DMD: variants seen among roughly 807,000 people sequenced by gnomAD.
The protein encoded by DMD is dystrophin, also known as mutant dystrophin.
A neutral mutation model predicts 330.1 loss-of-function variants in DMD; 63 were observed. The ratio of observed to expected loss-of-function variants is 0.19; its 90% CI spans 0.16 to 0.24. The LOEUF is 0.24. DMD is among the 10% of genes least tolerant of loss of function. The pLI, the probability that DMD is intolerant of heterozygous loss-of-function variation, is 1.00. For synonymous variants in DMD, 1,223 were observed against 959.8 expected (o/e 1.27, Z -5.07); for missense variants, 3,344 against 2,684.1 (o/e 1.25, Z -5.43).
intron 47 of DMD, among the ~76,000 whole-genome samples, chrX:31,904,096 A>G (rs1346180157): frequency 9.0e-6 from 1 of 111,644 alleles, no homozygotes; most frequent in Non-Finnish European, 1.9e-5. Context: ...CTTAGAGAAA[A>G]ATATTTCATA....
intron 62 of DMD, among the ~76,000 whole-genome samples, chrX:31,297,855 A>G (rs1446957037): frequency 8.9e-6 from 1 of 112,585 alleles, no homozygotes; most frequent in East Asian, 2.8e-4. Flanking sequence ...ACAGTCCTGG[A>G]GTGCACACTG....
chrX:31,447,783 G>C lies in DMD; in HGVS notation c.8938-3156C>G, dbSNP rs2065393927. Among the ~76,000 whole-genome samples the C allele has an allele frequency of 1.8e-5, 2 of 109,913 alleles. 1 individual carries two copies. The highest frequency in any genetic ancestry group is 1.9e-4 in the Admixed American group (2 of 10,271). On this transcript the variant is annotated intron_variant, in intron 59 of 78. Coordinates refer to ENST00000357033, the MANE Select transcript of DMD (RefSeq NM_004006.3). ...GGAGGCTGAGGTGGGTGGATGGGTG[G>C]ATCACTTGAGGTCAGCAGTTCGAGA...
intron 51 of DMD, among the ~76,000 whole-genome samples, chrX:31,735,374 T>G (rs1365293966): frequency 1.8e-5 from 2 of 111,650 alleles, no homozygotes; most frequent in Non-Finnish European, 3.8e-5. Flanking sequence ...AGGCCCTGAC[T>G]AATACACTCA....
At chrX:33,325,485 C>T (rs1444862916) in intron 1 of DMD, among the ~76,000 whole-genome samples, 10 of 112,319 alleles carry the variant, frequency 8.9e-5, no homozygotes, top group African/African-American at 3.2e-4. Flanking sequence ...GATACATCCA[C>T]TGAATTCCTA....
chrX:31,545,501 T>C (rs1189883172), intron 55 of DMD, among the ~76,000 whole-genome samples: 2 of 112,580 alleles, frequency 1.8e-5, no homozygotes, highest in South Asian at 3.7e-4. Flanking sequence ...ACTTTTCTCA[T>C]CATAATTTTT....
intron 2 of DMD, among the ~76,000 whole-genome samples, chrX:32,991,066 A>G (rs952054238): frequency 2.7e-5 from 3 of 111,574 alleles, no homozygotes; most frequent in African/African-American, 9.7e-5. Context: ...TTTTCCAATT[A>G]TAATAATAAT....
At chrX:31,174,199 T>C (rs1046769365) in intron 71 of DMD, among the ~76,000 whole-genome samples, 11 of 111,618 alleles carry the variant, frequency 9.9e-5, no homozygotes, top group Non-Finnish European at 2.1e-4. Context: ...CAAAATAGAA[T>C]GACCCTGGAT....
chrX:31,353,329 T>C (rs1312662967), intron 60 of DMD, among the ~76,000 whole-genome samples: 1 of 111,516 alleles, frequency 9.0e-6, no homozygotes, highest in Non-Finnish European at 1.9e-5. Flanking sequence ...GTGACATGAC[T>C]CACTATTTTA....
At chrX:32,845,640 G>A (rs1290190788) in intron 3 of DMD, among the ~76,000 whole-genome samples, 1 of 110,977 alleles carries the variant, frequency 9.0e-6, no homozygotes, top group African/African-American at 3.3e-5. Flanking sequence ...CCTGAAGTAA[G>A]CCCACTGCCA....
chrX:32,631,236 G>A (rs1356487494), intron 11 of DMD, among the ~76,000 whole-genome samples: 2 of 111,490 alleles, frequency 1.8e-5, no homozygotes, highest in Non-Finnish European at 3.8e-5. Context: ...GGTGACACAA[G>A]CACCCCTGTA....
At chrX:32,802,004 T>G (rs2076606995) in intron 7 of DMD, among the ~76,000 whole-genome samples, 2 of 112,157 alleles carry the variant, frequency 1.8e-5, no homozygotes, top group Non-Finnish European at 3.8e-5. Flanking sequence ...TCTTTTTTAG[T>G]TCCACATGAA....
chrX:31,815,257 C>T (rs1169326906), intron 50 of DMD, among the ~76,000 whole-genome samples: 1 of 111,754 alleles, frequency 8.9e-6, no homozygotes, highest in African/African-American at 3.3e-5. Flanking sequence ...CGAGACCAGC[C>T]TGACCAACAT....
intron 44 of DMD, among the ~76,000 whole-genome samples, chrX:32,173,720 G>T (rs1352666147): frequency 9.0e-6 from 1 of 111,673 alleles, no homozygotes; most frequent in Non-Finnish European, 1.9e-5. Flanking sequence ...ATATTTTAAA[G>T]ATATTTTTCT....
intron 1 of DMD, among the ~76,000 whole-genome samples, chrX:33,108,535 G>A (rs1253090289): frequency 9.2e-6 from 1 of 108,626 alleles, no homozygotes; most frequent in African/African-American, 3.3e-5. Context: ...CAAAGTGCTG[G>A]GATTACAGGC....
At chrX:31,772,577 C>T in intron 51 of DMD, among the ~76,000 whole-genome samples, 1 of 111,417 alleles carries the variant, frequency 9.0e-6, no homozygotes, top group Non-Finnish European at 1.9e-5. Flanking sequence ...ATAGTAACTG[C>T]AGTTACAGTT....
intron 44 of DMD, among the ~76,000 whole-genome samples, chrX:32,056,818 G>A (rs2096179427): frequency 9.0e-6 from 1 of 111,101 alleles, no homozygotes; most frequent in South Asian, 3.7e-4. Context: ...AAAGACACTA[G>A]GAGAAAAGTA....
intron 72 of DMD, among the ~76,000 whole-genome samples, chrX:31,172,936 A>G (rs1374068604): frequency 8.9e-6 from 1 of 111,827 alleles, no homozygotes; most frequent in Non-Finnish European, 1.9e-5. Context: ...AGGCAATTAT[A>G]CAGGGGGTTT....
At position 31,758,004 on chromosome X, in the gene DMD, C is replaced by G. The variant is rs961355156; in HGVS notation, c.7542+15956G>C. 1.7e-4 allele frequency among the ~76,000 whole-genome samples: 19 copies of G among 110,282 alleles called. 1 individual carries two copies. Among genetic ancestry groups the G allele is most frequent in the Non-Finnish European group, 5.7e-5 (3 of 52,879 alleles). On this transcript the variant is annotated intron_variant, in intron 51 of 78. Coordinates refer to ENST00000357033, the MANE Select transcript of DMD (RefSeq NM_004006.3). ...GGCCCTTACTAAGACTGCGTCAGAG[C>G]TCAACTTCTCCCTCTGCCCCTACAC...
chrX:32,988,649 T>C (rs1190840987), intron 2 of DMD, among the ~76,000 whole-genome samples: 1 of 112,122 alleles, frequency 8.9e-6, no homozygotes, highest in Non-Finnish European at 1.9e-5. Context: ...GCATAACATA[T>C]ACATGGAAGA....
Sources: gnomAD v4.1 joint callset for allele counts (sites outside exome capture counted in the v4.1 genomes callset) on GRCh38, gnomAD v4.1.1 for gene constraint, MANE v1.5 for transcripts, NCBI Gene and HGNC (gene_info 2026-07-23, HGNC 2026-07-21) for gene names.